Variants in FBN1 observed in about 807,000 individuals in gnomAD.
FBN1 encodes fibrillin-1.
In FBN1, 29 loss-of-function variants were observed where a neutral mutation model predicts 365.1. The ratio of observed to expected loss-of-function variants is 0.08; its 90% CI spans 0.06 to 0.11. The LOEUF is 0.11. Ranked by LOEUF, FBN1 falls within the 10% of genes least tolerant of loss-of-function variation. The pLI is 1.00. For synonymous variants in FBN1, 1,210 were observed against 1,270.5 expected (o/e 0.95, Z 1.01); for missense variants, 2,476 against 3,703.2 (o/e 0.67, Z 8.60).
chr15:48,435,551 T>A (rs2413901), intron 53 of FBN1, among the ~76,000 whole-genome samples: 3,726 of 152,114 alleles, frequency 0.024, 82 homozygotes, highest in East Asian at 0.082. Flanking sequence ...GTGTTGATTC[T>A]GTTGAAACCA....
intron 6 of FBN1, 109 bp from the exon 7 acceptor site, chr15:48,537,917 CA>C: frequency 8.9e-7 from 1 of 1,129,104 alleles, no homozygotes; most frequent in Non-Finnish European, 1.3e-6. Context: ...AAATGAATTT[CA>C]GGGACAGAAT....
chr15:48,512,013 C>A lies in FBN1; in HGVS notation c.1588+1536G>T, dbSNP rs368276025. 7.2e-5 allele frequency among the ~76,000 whole-genome samples: 11 copies of A among 152,302 alleles called. No homozygotes were observed. In the East Asian group the frequency reaches 2.1e-3, roughly 29 times the overall value. ...GTCATAATATTAAGAAGGTTCTCAACTCAGTTACGTGTTCAACCTATCCAT... is the reference window on the plus strand; with the variant it reads ...GTCATAATATTAAGAAGGTTCTCAAATCAGTTACGTGTTCAACCTATCCAT... On this transcript the variant is annotated intron_variant, in intron 13 of 65. Transcript: ENST00000316623.
At chr15:48,435,772 ATGTGTGTGTGTGTGTGTG>A (rs374043226) in intron 53 of FBN1, among the ~76,000 whole-genome samples, 1 of 106,342 alleles carries the variant, frequency 9.4e-6, no homozygotes, top group Non-Finnish European at 1.8e-5. Context: ...ATATGTGTAT[ATGTGTGTGTGTGTGTGTG>A]TGTGTGTGTG....
chr15:48,436,619 A>C (rs1215166849), intron 53 of FBN1, among the ~76,000 whole-genome samples: 1 of 152,210 alleles, frequency 6.6e-6, no homozygotes, highest in Non-Finnish European at 1.5e-5. Flanking sequence ...TAAGATTATG[A>C]CCATTAACAA....
rs111353821 is a variant in FBN1, at chr15:48,571,780, C to T, written c.538+24503G>A. Among the ~76,000 whole-genome samples the T allele has an allele frequency of 1.3e-3, 191 of 151,966 alleles. 1 individual carries two copies. The highest frequency in any genetic ancestry group is 4.4e-3 in the African/African-American group (184 of 41,438). ...CAACAATTTCACTCCATTCTAAATACAAAAAACACTCTGTGTTCAAAGATG... is the reference window on the plus strand; with the variant it reads ...CAACAATTTCACTCCATTCTAAATATAAAAAACACTCTGTGTTCAAAGATG... On this transcript the variant is annotated intron_variant, in intron 6 of 65. Coordinates refer to ENST00000316623, the MANE Select transcript of FBN1 (RefSeq NM_000138.5).
rs115849520 is a variant in FBN1 at position 48,462,922 on chromosome 15, G to T, written c.5224+160C>A. 5.1e-3 allele frequency among the ~76,000 whole-genome samples: 773 copies of T among 152,298 alleles called. 4 individuals are homozygous for T. The highest frequency in any genetic ancestry group is 0.018 in the African/African-American group (742 of 41,550). ...TATTCTGTGACTCAGTGTTCGGCTG[G>T]AATGACCAGCACCAACTGTGAATTT... On this transcript the variant is annotated intron_variant, in intron 42 of 65. Transcript: ENST00000316623.
chr15:48,481,448 C>T (rs948256032), intron 32 of FBN1, among the ~76,000 whole-genome samples: 2 of 151,920 alleles, frequency 1.3e-5, no homozygotes, highest in African/African-American at 4.8e-5. Context: ...TTTCCCCCCA[C>T]AGGTCAAGAA....
intron 6 of FBN1, among the ~76,000 whole-genome samples, chr15:48,549,187 T>C (rs1268045733): frequency 3.3e-5 from 5 of 152,216 alleles, no homozygotes; most frequent in Admixed American, 2.6e-4. Context: ...AAGACCACAA[T>C]TGGGACTTGG....
At chr15:48,527,860 T>C (rs567786665) in intron 8 of FBN1, among the ~76,000 whole-genome samples, 10 of 152,340 alleles carry the variant, frequency 6.6e-5, no homozygotes, top group Non-Finnish European at 1.2e-4. Context: ...TTCTGACAGA[T>C]AGAAATTTCA....
In FBN1 at chr15:48,412,713, T is replaced by G. The variant is rs1597507799; in HGVS notation, c.8082A>C (p.Arg2694=). ...CACTGACAGGTGGCTCTGGGTTTCC[T>G]CGGCCCATGCCCATTCCAGAAACAC... ...GHCVSGMGMG[R]GNPEPPVSGE... Residue 2694 remains arginine (R), a synonymous_variant, in exon 65 of 66, where the codon CGA becomes CGC. Coordinates refer to ENST00000316623, the MANE Select transcript of FBN1 (RefSeq NM_000138.5). 2.0e-5 allele frequency: 33 copies of G among 1,614,254 alleles called. No individual in the cohort carries two copies. The highest frequency in any genetic ancestry group is 2.8e-5 in the Non-Finnish European group (33 of 1,180,044).
intron 6 of FBN1, among the ~76,000 whole-genome samples, chr15:48,541,011 C>G (rs1255737488): frequency 1.3e-5 from 2 of 151,880 alleles, no homozygotes; most frequent in East Asian, 3.9e-4. Context: ...CCAGCAAAAT[C>G]CAGACACTCT....
intron 45 of FBN1, among the ~76,000 whole-genome samples, chr15:48,450,369 T>C (rs951253166): frequency 1.3e-5 from 2 of 152,286 alleles, no homozygotes; most frequent in Middle Eastern, 3.4e-3. Flanking sequence ...ACTGCCCTAT[T>C]TCATGATGGT....
intron 17 of FBN1, among the ~76,000 whole-genome samples, chr15:48,501,785 A>T (rs551361727): frequency 3.9e-5 from 6 of 152,352 alleles, no homozygotes; most frequent in Non-Finnish European, 8.8e-5. Flanking sequence ...TTGCAAATTC[A>T]AAGTAGGTAA....
At position 48,415,701 on chromosome 15, in the gene FBN1, T is replaced by C; in HGVS notation, c.7886A>G (p.Tyr2629Cys). 1 of 1,614,226 alleles carries C rather than the reference T, an allele frequency of 6.2e-7. No homozygotes were observed. Reference protein sequence around the residue: ...GASCHNTLGSYKCMCPAGFQY... With the variant: ...GASCHNTLGSCKCMCPAGFQY... ...GAAGCCGGCGGGACACATGCACTTG[T>C]AGCTCCCCAGGGTGTTGTGACAGGA... The change falls in exon 64 of 66, where the codon TAC becomes TGC. Residue 2629 changes from tyrosine to cysteine, a missense_variant. Tyr to Cys is a radical substitution (Grantham distance 194). Around this residue, in one of 5 missense-constraint regions of FBN1, gnomAD observed 1,780 missense variants for 2,840.8 expected, o/e 0.63. Coordinates refer to ENST00000316623, the MANE Select transcript of FBN1 (RefSeq NM_000138.5).
At chr15:48,499,608 G>A (rs1354467820) in intron 17 of FBN1, among the ~76,000 whole-genome samples, 2 of 152,180 alleles carry the variant, frequency 1.3e-5, no homozygotes, top group Admixed American at 6.5e-5. Flanking sequence ...CATAGAGAAA[G>A]TATTGCTTAA....
rs193205498 is a variant in FBN1 at position 48,422,508 on chromosome 15, T to C, written c.7454-440A>G. ...AATGAATTTGCTGGCTTAGTTCTCT[T>C]CTGTTTGCTGTTTTTAATCTACTCA... On this transcript the variant is annotated intron_variant, in intron 60 of 65. Coordinates refer to ENST00000316623, the MANE Select transcript of FBN1 (RefSeq NM_000138.5). 7.7e-4 allele frequency among the ~76,000 whole-genome samples: 117 copies of C among 152,360 alleles called. 1 individual carries two copies. Among genetic ancestry groups the C allele is most frequent in the Non-Finnish European group, 5.4e-4 (37 of 68,032 alleles).
At chr15:48,534,309 T>A in intron 7 of FBN1, 104 bp from the exon 8 acceptor site, 1 of 1,209,930 alleles carries the variant, frequency 8.3e-7, no homozygotes, top group Non-Finnish European at 1.2e-6. Context: ...CATATTTATA[T>A]CGGTGAGTTA....
intron 6 of FBN1, among the ~76,000 whole-genome samples, chr15:48,564,889 G>A (rs1012392162): frequency 1.3e-5 from 2 of 152,154 alleles, no homozygotes; most frequent in African/African-American, 4.8e-5. Context: ...TAAACAGACC[G>A]GCCTAACTCC....
At chr15:48,616,976 A>G (rs1054266202) in intron 2 of FBN1, among the ~76,000 whole-genome samples, 1 of 152,200 alleles carries the variant, frequency 6.6e-6, no homozygotes, top group Non-Finnish European at 1.5e-5. Context: ...AGACGTGTCT[A>G]ATGGAGATTT....
Sources: allele counts gnomAD v4.1 joint callset (sites outside exome capture counted in the v4.1 genomes callset), GRCh38; gene constraint gnomAD v4.1.1; regional missense constraint gnomAD v4.1.1; transcripts MANE v1.5; gene names NCBI Gene and HGNC (gene_info 2026-07-23, HGNC 2026-07-21).